SLC36A4: variants seen among roughly 807,000 people sequenced by gnomAD.
SLC36A4 encodes solute carrier family 36 member 4.
In SLC36A4, 49 loss-of-function variants were observed where a neutral mutation model predicts 50.5. The observed-to-expected ratio is 0.97, with a 90% CI of 0.77 to 1.23. The LOEUF is 1.23. Ranked by LOEUF, SLC36A4 falls within the 50% of genes most tolerant of loss-of-function variation. SLC36A4 has a pLI of 0.00. For synonymous variants in SLC36A4, 207 were observed against 206.5 expected (o/e 1.00, Z -0.02); for missense variants, 611 against 608.4 (o/e 1.00, Z -0.05).
chr11:93,188,023 G>A (rs1157205839), intron 1 of SLC36A4, among the ~76,000 whole-genome samples: 1 of 152,056 alleles, frequency 6.6e-6, no homozygotes, highest in Non-Finnish European at 1.5e-5. Context: ...GATTTTCATG[G>A]TGCTTGATCC....
At chr11:93,180,600 T>G (rs1473672229) in intron 6 of SLC36A4, among the ~76,000 whole-genome samples, 197 bp downstream of exon 6, 1 of 152,052 alleles carries the variant, frequency 6.6e-6, no homozygotes, top group Admixed American at 6.6e-5. Flanking sequence ...ATCAGTATTA[T>G]AGCAAAACAG....
chr11:93,170,041 T>C (rs1029958886), intron 6 of SLC36A4: 2 of 151,982 alleles, frequency 1.3e-5, no homozygotes, highest in Non-Finnish European at 2.9e-5. Flanking sequence ...TTTAGCATTT[T>C]TGGCAGAAAA....
intron 7 of SLC36A4, 187 bp from the exon 8 acceptor site, chr11:93,166,203 G>A: frequency 7.5e-7 from 1 of 1,330,102 alleles, no homozygotes; most frequent in Non-Finnish European, 9.6e-7. Context: ...GGATTTCACT[G>A]CCAAAAGCAA....
At chr11:93,197,708 G>T in intron 1 of SLC36A4, 70 bp downstream of exon 1, 1 of 1,509,870 alleles carries the variant, frequency 6.6e-7, no homozygotes. Flanking sequence ...TGGAGGTGTG[G>T]GCGCACCCGA....
At chr11:93,152,466 T>C (rs1240652334) in intron 10 of SLC36A4, 1 of 152,078 alleles carries the variant, frequency 6.6e-6, no homozygotes, top group Non-Finnish European at 1.5e-5. Flanking sequence ...CAGAAGGAAA[T>C]ATTACAGTTT....
intron 6 of SLC36A4, chr11:93,180,439 C>CAG: frequency 1.8e-6 from 1 of 544,664 alleles, no homozygotes; most frequent in Non-Finnish European, 2.3e-6. Context: ...ATTTTTTAGC[C>CAG]TACTGGCTAA....
intron 1 of SLC36A4, among the ~76,000 whole-genome samples, chr11:93,190,392 A>AAAAAAAG (rs2134709885): frequency 6.6e-6 from 1 of 152,266 alleles, no homozygotes; most frequent in Admixed American, 6.5e-5. Flanking sequence ...CAACACACAC[A>AAAAAAAG]AAAAAAGGAT....
rs989858187 is a variant in SLC36A4, at chr11:93,197,849, G to A, written c.-17C>T. On this transcript the variant is annotated 5_prime_UTR_variant, in exon 1 of 11. Transcript: ENST00000326402. The stretch of plus-strand genomic sequence containing the variant: ...CGCTTCCATCTCTCGCGGGTCTCCA[G>A]GACGCCGCCGCCCGAGTGCTCACTC... 6.5e-7 allele frequency: 1 copy of A among 1,546,634 alleles called. No individual in the cohort carries two copies.
rs1347148220 is a variant in SLC36A4 at position 93,160,292 on chromosome 11, G to A, written c.1037+2414C>T. ...TTAACCAATGCAAATTCTCTAAAGG[G>A]AAATATGTGTCTTGACTGGCTTTCC... is the stretch of plus-strand genomic sequence containing the variant. On this transcript the variant is annotated intron_variant, in intron 9 of 10. Transcript: ENST00000326402. The A allele has an allele frequency of 5.1e-6, 5 of 985,290 alleles. No homozygotes were observed. The African/African-American group carries it at 7.0e-5, about 14-fold the overall frequency. 61.0% of individuals were successfully genotyped at this position (985,290 alleles called of 1,614,324 possible).
chr11:93,155,626 T>C lies in SLC36A4; in HGVS notation c.1038-1349A>G, dbSNP rs376579725. On this transcript the variant is annotated intron_variant, in intron 9 of 10. Coordinates refer to ENST00000326402, the MANE Select transcript of SLC36A4 (RefSeq NM_152313.4). ...TTCAGGGGTACATGTGCAGGTTATA[T>C]AGGTAAATTTGTGTCATGGGGGCTT... 11 of 152,170 alleles carry C rather than the reference T, an allele frequency of 7.2e-5. No homozygotes were observed. The East Asian group carries it at 1.7e-3, about 24-fold the overall frequency. 9.4% of individuals were successfully genotyped at this position (152,170 alleles called of 1,614,324 possible). A position where few individuals can be genotyped will look rare whatever the true frequency, so the allele number is the denominator to read the frequency against.
intron 3 of SLC36A4, among the ~76,000 whole-genome samples, chr11:93,183,208 A>G (rs1212408067): frequency 6.6e-6 from 1 of 152,164 alleles, no homozygotes; most frequent in African/African-American, 2.4e-5. Flanking sequence ...TCAGTGACCC[A>G]CCATTATAAT....
At chr11:93,166,935 G>A (rs1860895459) in intron 7 of SLC36A4, 1 of 152,166 alleles carries the variant, frequency 6.6e-6, no homozygotes, top group Admixed American at 6.6e-5. Flanking sequence ...CTCATTCAAT[G>A]CTAAACTATT....
intron 8 of SLC36A4, among the ~76,000 whole-genome samples, chr11:93,163,272 T>A (rs1240369687): frequency 1.3e-5 from 2 of 152,236 alleles, no homozygotes; most frequent in African/African-American, 4.8e-5. Context: ...ACATCACTAT[T>A]AACTAAACTG....
chr11:93,150,209 G>A (rs1860016952), intron 10 of SLC36A4, among the ~76,000 whole-genome samples: 1 of 151,968 alleles, frequency 6.6e-6, no homozygotes, highest in Non-Finnish European at 1.5e-5. Flanking sequence ...GCTGTGACAA[G>A]TACATCACCA....
chr11:93,192,533 A>AT (rs1036296796), intron 1 of SLC36A4, among the ~76,000 whole-genome samples: 2 of 152,188 alleles, frequency 1.3e-5, no homozygotes, highest in African/African-American at 4.8e-5. Flanking sequence ...CGTTACACAA[A>AT]TTTTTTGTAG....
chr11:93,186,756 A>C (rs966749987), intron 1 of SLC36A4, among the ~76,000 whole-genome samples: 2 of 152,112 alleles, frequency 1.3e-5, no homozygotes, highest in African/African-American at 4.8e-5. Flanking sequence ...ATCAATATCC[A>C]CTATCAGTTC....
chr11:93,179,415 T>C (rs1006469114), intron 6 of SLC36A4, among the ~76,000 whole-genome samples: 1 of 152,314 alleles, frequency 6.6e-6, no homozygotes, highest in African/African-American at 2.4e-5. Flanking sequence ...ATCAAGGCTA[T>C]TTTAAAAAGT....
At chr11:93,178,684 C>T (rs1168582918) in intron 6 of SLC36A4, among the ~76,000 whole-genome samples, 3 of 152,064 alleles carry the variant, frequency 2.0e-5, no homozygotes, top group South Asian at 2.1e-4. Context: ...TTATCAGTCA[C>T]GGGACATACT....
chr11:93,195,520 G>C (rs572372753), intron 1 of SLC36A4, among the ~76,000 whole-genome samples: 1 of 152,124 alleles, frequency 6.6e-6, no homozygotes, highest in Non-Finnish European at 1.5e-5. Flanking sequence ...ATATTCTTCT[G>C]CTTTTACTTT....
Sources: allele counts gnomAD v4.1 joint callset (sites outside exome capture counted in the v4.1 genomes callset), GRCh38; gene constraint gnomAD v4.1.1; transcripts MANE v1.5; gene names NCBI Gene and HGNC (gene_info 2026-07-23, HGNC 2026-07-21).